TNFAIP3: variants seen among roughly 807,000 people sequenced by gnomAD.
The protein encoded by TNFAIP3 is tumor necrosis factor alpha-induced protein 3.
Under a neutral mutation model 72.4 loss-of-function variants are expected in TNFAIP3, and 9 were observed. That is an observed-to-expected ratio of 0.12 (90% confidence interval 0.07 to 0.22). The LOEUF is 0.22. Among genes scored for constraint, TNFAIP3 ranks in the 10% least tolerant of loss-of-function variants. The pLI is 1.00. For missense variants in TNFAIP3, 833 were observed against 1,018.7 expected (o/e 0.82, Z 2.48); for synonymous variants, 339 against 372.6 (o/e 0.91, Z 1.04).
chr6:137,877,286 T>C, intron 6 of TNFAIP3, 30 bp downstream of exon 6: 1 of 1,572,974 alleles, frequency 6.4e-7, no homozygotes, highest in Non-Finnish European at 8.6e-7. Context: ...CTCTCTCCTG[T>C]GTCATCTGTA....
At position 137,878,746 on chromosome 6, in the gene TNFAIP3, C is replaced by A. The variant is rs144728856; in HGVS notation, c.1301C>A (p.Ala434Glu). The A allele has an allele frequency of 5.6e-6, 9 of 1,614,112 alleles. No homozygotes were observed. The highest frequency in any genetic ancestry group is 2.2e-5 in the East Asian group (1 of 44,868). Residue 434 changes from alanine (A) to glutamate (E), a missense_variant, in exon 7 of 9, where the codon GCG becomes GAG. Around this residue, in one of 2 missense-constraint regions of TNFAIP3, gnomAD observed 587 missense variants for 657.8 expected, o/e 0.89. Coordinates refer to ENST00000612899, the MANE Select transcript of TNFAIP3 (RefSeq NM_001270508.2). ...KPGPEGLPGM[A>E]LGASRGEAYE... ...GGCCCTGAGGGGCTCCCTGGCATGG[C>A]GCTCGGGGCCTCTCGGGGAGAAGCC...
rs1302500579 is a variant in TNFAIP3, at chr6:137,877,232, C to T, written c.962C>T (p.Thr321Ile). The change falls in exon 6 of 9, where the codon ACA becomes ATA. Residue 321 changes from threonine (T) to isoleucine (I), a missense_variant. This residue lies in a region of TNFAIP3 where 587 missense variants were observed against 657.8 expected (regional missense o/e 0.89). Transcript: ENST00000612899. ...EIPVQGWDHG[T>I]THLINAAKLD... The stretch of plus-strand genomic sequence containing the variant: ...CCCGTCCAAGGCTGGGACCATGGCA[C>T]AACTCATCTCATCAATGCCGCAAAG... 2 of 1,611,558 alleles carry T rather than the reference C, an allele frequency of 1.2e-6. No homozygotes were observed. Among genetic ancestry groups the T allele is most frequent in the East Asian group, 4.5e-5 (2 of 44,796 alleles).
intron 2 of TNFAIP3, among the ~76,000 whole-genome samples, chr6:137,874,536 A>G (rs1582888255): frequency 6.6e-6 from 1 of 152,244 alleles, no homozygotes; most frequent in Admixed American, 6.5e-5. Flanking sequence ...AAAAATGCCC[A>G]GTGAACTTAA....
At chr6:137,869,000 A>C (rs1775943007) in intron 1 of TNFAIP3, among the ~76,000 whole-genome samples, 1 of 152,242 alleles carries the variant, frequency 6.6e-6, no homozygotes, top group African/African-American at 2.4e-5. Context: ...CAGGCAAGCA[A>C]AAAGAGATAA....
intron 7 of TNFAIP3, 70 bp from the exon 8 acceptor site, chr6:137,880,001 C>A: frequency 7.1e-7 from 1 of 1,400,418 alleles, no homozygotes; most frequent in Non-Finnish European, 1.0e-6. Context: ...ATTTATTTCT[C>A]TACTGTCAGC....
At chr6:137,874,030 C>T (rs1776147476) in intron 2 of TNFAIP3, among the ~76,000 whole-genome samples, 1 of 152,118 alleles carries the variant, frequency 6.6e-6, no homozygotes, top group South Asian at 2.1e-4. Flanking sequence ...AAAAATGCAG[C>T]CCATTGAATT....
At position 137,867,260 on chromosome 6, in the gene TNFAIP3, C is replaced by T. The variant is rs1775868116; in HGVS notation, c.-298C>T. ...CTGAAACGGGGCAAAGCAGACTGCG[C>T]AGTCTGCAGTCTTCGTGGCGGGCCA... On this transcript the variant is annotated 5_prime_UTR_variant, in exon 1 of 9. Transcript: ENST00000612899. The surrounding 1 kb of genome is among the most constrained non-coding windows in gnomAD (Gnocchi z 6.0). 1 of 152,182 alleles carries T rather than the reference C, an allele frequency of 6.6e-6. No individual in the cohort carries two copies. The highest frequency in any genetic ancestry group is 1.5e-5 in the Non-Finnish European group (1 of 68,006). The allele number at this position is 152,182 out of a possible 1,614,324, so 9.4% of individuals were successfully genotyped here.
Position 137,881,494 on chromosome 6 carries a change from G to T in TNFAIP3, c.*175G>T. On this transcript the variant is annotated 3_prime_UTR_variant, in exon 9 of 9. Transcript: ENST00000612899. This position sits in a 1 kb window ranked among gnomAD's most constrained non-coding sequence, Gnocchi z 5.0. ...CACGATGCTCAGGTTTGGTAACCCGGGAGTGTTCCCAGGTGGCCTTAGAAA... is the reference window on the plus strand; with the variant it reads ...CACGATGCTCAGGTTTGGTAACCCGTGAGTGTTCCCAGGTGGCCTTAGAAA... 1.8e-6 allele frequency: 1 copy of T among 547,364 alleles called. No individual in the cohort carries two copies. Among genetic ancestry groups the T allele is most frequent in the Admixed American group, 3.9e-5 (1 of 25,866 alleles). 33.9% of individuals were successfully genotyped at this position (547,364 alleles called of 1,614,324 possible). A position where few individuals can be genotyped will look rare whatever the true frequency, so the allele number is the denominator to read the frequency against.
chr6:137,874,006 G>A (rs182828748), intron 2 of TNFAIP3, among the ~76,000 whole-genome samples: 99 of 152,196 alleles, frequency 6.5e-4, no homozygotes, highest in African/African-American at 2.2e-3. Context: ...AATATTTATC[G>A]TTTGGGGGTT....
chr6:137,870,015 G>A lies in TNFAIP3; in HGVS notation c.-15-1198G>A, dbSNP rs140462586. Among the ~76,000 whole-genome samples, 64 of 152,332 alleles carry A rather than the reference G, an allele frequency of 4.2e-4. 1 individual carries two copies. The Middle Eastern group carries it at 0.034, about 81-fold the overall frequency. On this transcript the variant is annotated intron_variant, in intron 1 of 8. Transcript: ENST00000612899. ...TCATCCTGCGCTGTTGGCATGGGTT[G>A]TAGATGCTGGTCTTTGCCACCTTTC...
At position 137,870,957 on chromosome 6, in the gene TNFAIP3, T is replaced by G. The variant is rs989902286; in HGVS notation, c.-15-256T>G. Among the ~76,000 whole-genome samples, 39 of 152,226 alleles carry G rather than the reference T, an allele frequency of 2.6e-4. 1 individual carries two copies. The highest frequency in any genetic ancestry group is 2.6e-3 in the Admixed American group (39 of 15,288). On this transcript the variant is annotated intron_variant, in intron 1 of 8. Coordinates refer to ENST00000612899, the MANE Select transcript of TNFAIP3 (RefSeq NM_001270508.2). ...TTACTGAAAACACGGGTTATTCCCC[T>G]CCTCCTCAGTACCCACTCTCTGCCT...
chr6:137,875,748 C>G lies in TNFAIP3; in HGVS notation c.547C>G (p.Arg183Gly), dbSNP rs1423560438. The G allele has an allele frequency of 1.2e-6, 2 of 1,614,088 alleles. No individual in the cohort carries two copies. The highest frequency in any genetic ancestry group is 8.5e-7 in the Non-Finnish European group (1 of 1,180,004). Residue 183 changes from arginine to glycine, a missense_variant, in exon 4 of 9, where the codon CGA (arginine) becomes GGA (glycine). This residue lies in a region of TNFAIP3 where 246 missense variants were observed against 360.9 expected (regional missense o/e 0.68). Coordinates refer to ENST00000612899, the MANE Select transcript of TNFAIP3 (RefSeq NM_001270508.2). ...GGCTTCCACAGACACACCCATGGCC[C>G]GAAGTGGACTTCAGTACAACTCACT... ...KMASTDTPMARSGLQYNSLEE... is the reference protein window; with the variant it reads ...KMASTDTPMAGSGLQYNSLEE...
Position 137,879,203 on chromosome 6 carries a change from C to G in TNFAIP3, c.1758C>G (p.Ala586=). Residue 586 remains alanine, a synonymous_variant, in exon 7 of 9, where the codon GCC becomes GCG. Transcript: ENST00000612899. ...PHSCHRAGND[A]PAGCLSQAAR... is the part of the protein sequence containing the mutation. ...CTTGCCACAGAGCTGGAAACGACGC[C>G]CCTGCTGGCTGCCTGTCTCAAGCTG... 1 of 1,614,202 alleles carries G rather than the reference C, an allele frequency of 6.2e-7. No individual in the cohort carries two copies. Among genetic ancestry groups the G allele is most frequent in the Non-Finnish European group, 8.5e-7 (1 of 1,180,052 alleles).
At chr6:137,869,218 T>A (rs780140682) in intron 1 of TNFAIP3, among the ~76,000 whole-genome samples, 1 of 152,128 alleles carries the variant, frequency 6.6e-6, no homozygotes, top group African/African-American at 2.4e-5. Flanking sequence ...GGTGGTAGTG[T>A]AATTTCAGGG....
chr6:137,878,300 G>A, intron 6 of TNFAIP3, 132 bp from the exon 7 acceptor site: 1 of 763,216 alleles, frequency 1.3e-6, no homozygotes, highest in Non-Finnish European at 2.1e-6. Flanking sequence ...TCACAGGCCT[G>A]CATTTCAGTG....
rs77009657 is a variant in TNFAIP3 at position 137,877,702 on chromosome 6, C to T, written c.986+446C>T. ...TGGAGCTGTAGAATTGTTTATGTTG[C>T]AGCTCATGATTCTGCCACATGGAAA... is the stretch of plus-strand genomic sequence containing the variant. On this transcript the variant is annotated intron_variant, in intron 6 of 8. Coordinates refer to ENST00000612899, the MANE Select transcript of TNFAIP3 (RefSeq NM_001270508.2). Among the ~76,000 whole-genome samples the T allele has an allele frequency of 7.2e-5, 11 of 152,316 alleles. No individual in the cohort carries two copies. In the East Asian group the frequency reaches 9.6e-4, roughly 13 times the overall value.
Position 137,869,360 on chromosome 6 carries a change from TGGATGGATGGATGGATGGAC to T in TNFAIP3, c.-16+1822_-15-1830del, listed in dbSNP as rs748801265. ...ATAGATGGATGGATGGATGGATGGA[TGGATGGATGGATGGATGGAC>T]GGACGGACGGACGGACGGATAGATG... is the stretch of plus-strand genomic sequence containing the variant. On this transcript the variant is annotated intron_variant, in intron 1 of 8. Coordinates refer to ENST00000612899, the MANE Select transcript of TNFAIP3 (RefSeq NM_001270508.2). Among the ~76,000 whole-genome samples, 1,011 of 141,622 alleles carry T rather than the reference TGGATGGATGGATGGATGGAC, an allele frequency of 7.1e-3. 2 individuals carry two copies. Among genetic ancestry groups the T allele is most frequent in the Non-Finnish European group, 9.7e-3 (629 of 64,818 alleles). The allele number at this position is 141,622 out of a possible 152,430, so 92.9% of individuals were successfully genotyped here.
In TNFAIP3 at chr6:137,878,719, C is replaced by T. The variant is rs748195339; in HGVS notation, c.1274C>T (p.Pro425Leu). ...QNKLPKLNSKPGPEGLPGMAL... is the reference protein window; with the variant it reads ...QNKLPKLNSKLGPEGLPGMAL... ...AAACTCCCAAAGCTGAACTCCAAGC[C>T]GGGCCCTGAGGGGCTCCCTGGCATG... is the stretch of plus-strand genomic sequence containing the variant. Residue 425 changes from proline to leucine, a missense_variant, in exon 7 of 9, where the codon CCG becomes CTG. This residue lies in a region of TNFAIP3 where 587 missense variants were observed against 657.8 expected (regional missense o/e 0.89). Transcript: ENST00000612899. 12 of 1,614,086 alleles carry T rather than the reference C, an allele frequency of 7.4e-6. No individual in the cohort carries two copies. The South Asian group carries it at 1.1e-4, about 15-fold the overall frequency.
rs1204480688 is a variant in TNFAIP3, at chr6:137,877,058, T to C, written c.806-18T>C. 3.2e-6 allele frequency: 5 copies of C among 1,568,194 alleles called. No individual in the cohort carries two copies. The highest frequency in any genetic ancestry group is 2.6e-6 in the Non-Finnish European group (3 of 1,155,742). On this transcript the variant is annotated intron_variant, in intron 5 of 8. Transcript: ENST00000612899. ...TTAGTAGAATACTGTTTTACTTATGTATTATTTTTTTCCTTAGAAATCCGA... is the reference window on the plus strand; with the variant it reads ...TTAGTAGAATACTGTTTTACTTATGCATTATTTTTTTCCTTAGAAATCCGA...
Sources: gnomAD v4.1 joint callset for allele counts (sites outside exome capture counted in the v4.1 genomes callset) on GRCh38, gnomAD v4.1.1 for gene constraint, gnomAD v4.1.1 regional missense constraint, Gnocchi (gnomAD v3.1) non-coding constraint, MANE v1.5 for transcripts, NCBI Gene and HGNC (gene_info 2026-07-23, HGNC 2026-07-21) for gene names.